SNTG2: variants seen among roughly 807,000 people sequenced by gnomAD.
The protein encoded by SNTG2 is syntrophin gamma 2.
In SNTG2, 74 loss-of-function variants were observed where a neutral mutation model predicts 70.9. The ratio of observed to expected loss-of-function variants is 1.04; its 90% CI spans 0.86 to 1.27. The LOEUF (loss-of-function observed/expected upper bound fraction) is 1.27, where lower values mean the gene tolerates loss of function less well. SNTG2 is among the 50% of genes most tolerant of loss of function. The probability of loss-of-function intolerance (pLI) is 0.00; values close to 1 mark genes in which losing one functional copy is unlikely to be tolerated. For synonymous variants in SNTG2, 278 were observed against 273.8 expected, an observed-to-expected ratio of 1.02 and a Z score of -0.15; for missense variants, 717 against 690.7, an observed-to-expected ratio of 1.04 and a Z score of -0.43.
intron 9 of SNTG2, among the ~76,000 whole-genome samples, chr2:1,230,385 A>C (rs889848625): frequency 2.0e-5 from 3 of 152,174 alleles, no homozygotes; most frequent in Admixed American, 2.0e-4. Context: ...TTTACAGAGA[A>C]GAAAAGGCCG....
intron 1 of SNTG2, among the ~76,000 whole-genome samples, chr2:1,002,088 CT>C (rs375838043): frequency 1.9e-4 from 29 of 152,150 alleles, no homozygotes; most frequent in Middle Eastern, 3.4e-3. Flanking sequence ...GGATCCATAG[CT>C]CTCACCATAT....
intron 4 of SNTG2, among the ~76,000 whole-genome samples, chr2:1,125,194 C>T (rs6548191): frequency 0.47 from 72,149 of 151,952 alleles, 18,139 homozygotes; most frequent in East Asian, 0.66. Context: ...CATTTTAATA[C>T]GCTAAATATT....
chr2:1,208,223 TACACCTGTGAGTGTGGGGC>T (rs147732852), intron 8 of SNTG2, among the ~76,000 whole-genome samples: 3 of 144,220 alleles, frequency 2.1e-5, no homozygotes, highest in Non-Finnish European at 4.5e-5. Context: ...GAGCGCGGGT[TACACCTGTGAGTGTGGGGC>T]ACACCTGTGA....
chr2:1,113,898 C>G (rs900752573), intron 4 of SNTG2, among the ~76,000 whole-genome samples: 2 of 149,156 alleles, frequency 1.3e-5, no homozygotes, highest in African/African-American at 5.0e-5. Context: ...ATGGTGTGTA[C>G]TAAGTGAGGT....
intron 1 of SNTG2, among the ~76,000 whole-genome samples, chr2:1,038,687 A>T (rs1424687310): frequency 6.6e-6 from 1 of 152,242 alleles, no homozygotes; most frequent in Non-Finnish European, 1.5e-5. Context: ...TGACACGTGG[A>T]ACTCAAGTTC....
At chr2:1,289,199 T>A (rs1351808354) in intron 14 of SNTG2, among the ~76,000 whole-genome samples, 3 of 152,026 alleles carry the variant, frequency 2.0e-5, no homozygotes. Flanking sequence ...TATTCCAAAT[T>A]AGCAATGATG....
At chr2:1,235,964 G>C (rs1463985444) in intron 9 of SNTG2, among the ~76,000 whole-genome samples, 1 of 152,164 alleles carries the variant, frequency 6.6e-6, no homozygotes, top group African/African-American at 2.4e-5. Flanking sequence ...TGTGTGTCCT[G>C]TAGCTCAATG....
intron 6 of SNTG2, among the ~76,000 whole-genome samples, chr2:1,151,141 C>T (rs1669459690): frequency 7.6e-6 from 1 of 131,678 alleles, no homozygotes; most frequent in South Asian, 2.5e-4. Context: ...TTGGAAGAAA[C>T]AAGCCTTAAC....
At chr2:1,230,605 C>G (rs1221314078) in intron 9 of SNTG2, among the ~76,000 whole-genome samples, 3 of 152,196 alleles carry the variant, frequency 2.0e-5, no homozygotes, top group Non-Finnish European at 4.4e-5. Flanking sequence ...TTGTGCATCC[C>G]TGGAGTAAAC....
At chr2:1,229,890 T>A (rs866806534) in intron 9 of SNTG2, among the ~76,000 whole-genome samples, 97 of 152,222 alleles carry the variant, frequency 6.4e-4, no homozygotes, top group South Asian at 3.7e-3. Context: ...CTGCTCCGAG[T>A]GCGGAGCCCG....
intron 4 of SNTG2, among the ~76,000 whole-genome samples, chr2:1,104,087 G>C (rs375539181): frequency 7.4e-4 from 113 of 152,274 alleles, no homozygotes; most frequent in African/African-American, 2.6e-3. Flanking sequence ...GGACACTGAG[G>C]CAAATATATG....
In SNTG2 at chr2:1,273,635, TTATA is replaced by T. The variant is rs34553294; in HGVS notation, c.1284+6077_1284+6080del. ...CTTTGACTCATTATATACATAAATA[TTATA>T]TATATATATATAAGTATAAACTCAA... On this transcript the variant is annotated intron_variant, in intron 14 of 16. Transcript: ENST00000308624. 1.1e-4 allele frequency among the ~76,000 whole-genome samples: 16 copies of T among 147,956 alleles called. No individual in the cohort carries two copies. In the East Asian group the frequency reaches 2.2e-3, roughly 20 times the overall value.
intron 2 of SNTG2, among the ~76,000 whole-genome samples, chr2:1,088,005 A>G (rs553066757): frequency 4.3e-4 from 66 of 152,348 alleles, no homozygotes; most frequent in Non-Finnish European, 9.1e-4. Flanking sequence ...TCTATATTTC[A>G]CACCCAAGTT....
intron 1 of SNTG2, among the ~76,000 whole-genome samples, chr2:1,009,515 A>G (rs1233239569): frequency 7.6e-6 from 1 of 130,766 alleles, no homozygotes; most frequent in East Asian, 2.4e-4. Flanking sequence ...GGTCGTGTGT[A>G]TGGCAGCCAC....
chr2:1,045,991 TG>T (rs1169611706), intron 1 of SNTG2, among the ~76,000 whole-genome samples: 1 of 152,296 alleles, frequency 6.6e-6, no homozygotes, highest in East Asian at 1.9e-4. Flanking sequence ...TATTATTCCG[TG>T]GTTATCTGAG....
chr2:1,070,227 C>T (rs927242224), intron 1 of SNTG2, among the ~76,000 whole-genome samples: 13 of 152,036 alleles, frequency 8.6e-5, no homozygotes, highest in African/African-American at 2.7e-4. Flanking sequence ...ACCTGTCCTT[C>T]GCTCTCTCTT....
chr2:1,317,620 CAT>C (rs1201034147), intron 16 of SNTG2, among the ~76,000 whole-genome samples: 26 of 97,978 alleles, frequency 2.7e-4, no homozygotes, highest in Admixed American at 3.2e-4. Flanking sequence ...GAGCATTTAG[CAT>C]CAGGTCAGCA....
intron 16 of SNTG2, among the ~76,000 whole-genome samples, chr2:1,319,267 G>C (rs1360857149): frequency 6.6e-6 from 1 of 152,212 alleles, no homozygotes; most frequent in Admixed American, 6.5e-5. Context: ...TGGTGGAAAA[G>C]AGAACGCCCC....
chr2:1,313,385 G>C (rs1357625618), intron 15 of SNTG2, among the ~76,000 whole-genome samples: 1 of 151,806 alleles, frequency 6.6e-6, no homozygotes, highest in Non-Finnish European at 1.5e-5. Context: ...TATCCCCCAG[G>C]ATGTGGAGCA....
Sources: allele counts gnomAD v4.1 joint callset (sites outside exome capture counted in the v4.1 genomes callset), GRCh38; gene constraint gnomAD v4.1.1; transcripts MANE v1.5; gene names NCBI Gene and HGNC (gene_info 2026-07-23, HGNC 2026-07-21).